ADGRB3: variants seen among roughly 807,000 people sequenced by gnomAD.
ADGRB3 encodes the protein adhesion G protein-coupled receptor B3.
Under a neutral mutation model 193.4 loss-of-function variants are expected in ADGRB3, and 37 were observed. The observed-to-expected ratio is 0.19, with a 90% CI of 0.15 to 0.25. The LOEUF is 0.25. ADGRB3 is among the 10% of genes least tolerant of loss of function. ADGRB3 has a pLI of 1.00. For synonymous variants in ADGRB3, 690 were observed against 644.2 expected, an observed-to-expected ratio of 1.07 and a Z score of -1.08; for missense variants, 1,637 against 1,852.9, an observed-to-expected ratio of 0.88 and a Z score of 2.14.
Position 69,029,935 on chromosome 6 carries a change from G to A in ADGRB3, c.2107+11436G>A, listed in dbSNP as rs144835777. Among the ~76,000 whole-genome samples, 391 of 147,814 alleles carry A rather than the reference G, an allele frequency of 2.6e-3. 1 individual carries two copies. The highest frequency in any genetic ancestry group is 9.7e-3 in the African/African-American group (385 of 39,662). ...ACACTTCTCAAGAGAAAAAATTTAT[G>A]AAGCCAACAAACATATATATATATA... On this transcript the variant is annotated intron_variant, in intron 13 of 31. Coordinates refer to ENST00000370598, the MANE Select transcript of ADGRB3 (RefSeq NM_001704.3).
At chr6:69,113,859 T>C (rs943134275) in intron 17 of ADGRB3, among the ~76,000 whole-genome samples, 1 of 152,214 alleles carries the variant, frequency 6.6e-6, no homozygotes, top group Admixed American at 6.5e-5. Flanking sequence ...TAGATAGATA[T>C]TAATGATGTC....
intron 26 of ADGRB3, among the ~76,000 whole-genome samples, chr6:69,349,985 C>T (rs1033768084): frequency 2.6e-5 from 4 of 152,184 alleles, no homozygotes; most frequent in Admixed American, 2.0e-4. Context: ...CCAGCTTCCA[C>T]AATGACGCGC....
intron 3 of ADGRB3, among the ~76,000 whole-genome samples, chr6:68,795,393 C>G (rs1767187023): frequency 1.3e-5 from 2 of 151,986 alleles, no homozygotes; most frequent in Non-Finnish European, 2.9e-5. Context: ...GCACAGAAAT[C>G]TCAGACAAAA....
chr6:69,240,108 T>C (rs1430652816), intron 20 of ADGRB3, among the ~76,000 whole-genome samples: 2 of 152,108 alleles, frequency 1.3e-5, no homozygotes, highest in African/African-American at 2.4e-5. Flanking sequence ...ATGTATTATA[T>C]ATTCATAGGA....
intron 31 of ADGRB3, among the ~76,000 whole-genome samples, chr6:69,386,667 G>C (rs1297025995): frequency 1.3e-5 from 2 of 152,026 alleles, no homozygotes; most frequent in Non-Finnish European, 2.9e-5. Context: ...GATAGGTCCT[G>C]TTCTCATGGC....
chr6:69,047,773 C>A (rs906931871), intron 13 of ADGRB3, among the ~76,000 whole-genome samples: 1 of 152,078 alleles, frequency 6.6e-6, no homozygotes, highest in African/African-American at 2.4e-5. Context: ...CAGAAAATTT[C>A]TTCTTAAGAC....
At chr6:68,986,933 A>G (rs2150271619) in intron 10 of ADGRB3, among the ~76,000 whole-genome samples, 1 of 152,248 alleles carries the variant, frequency 6.6e-6, no homozygotes, top group South Asian at 2.1e-4. Flanking sequence ...TATTTCAGAA[A>G]CACACCTACT....
intron 17 of ADGRB3, among the ~76,000 whole-genome samples, chr6:69,118,045 A>G (rs553282562): frequency 2.0e-5 from 3 of 152,330 alleles, no homozygotes; most frequent in South Asian, 2.1e-4. Flanking sequence ...ACTCAAGTCT[A>G]TGTTATATAA....
intron 17 of ADGRB3, among the ~76,000 whole-genome samples, chr6:69,171,412 C>T (rs529928290): frequency 6.6e-6 from 1 of 152,326 alleles, no homozygotes; most frequent in Non-Finnish European, 1.5e-5. Flanking sequence ...GCCTGGCCAA[C>T]TTCCATACCC....
intron 3 of ADGRB3, among the ~76,000 whole-genome samples, chr6:68,685,850 G>A (rs1476724299): frequency 1.3e-5 from 2 of 152,192 alleles, no homozygotes; most frequent in South Asian, 2.1e-4. Flanking sequence ...CCAAGATGGC[G>A]CCACTGCACT....
At chr6:68,745,683 T>G (rs1766069721) in intron 3 of ADGRB3, among the ~76,000 whole-genome samples, 1 of 151,238 alleles carries the variant, frequency 6.6e-6, no homozygotes. Context: ...AAATGTATTT[T>G]CTTATTTATA....
At chr6:69,219,567 GA>G (rs947244778) in intron 17 of ADGRB3, among the ~76,000 whole-genome samples, 1 of 148,952 alleles carries the variant, frequency 6.7e-6, no homozygotes, top group African/African-American at 2.4e-5. Flanking sequence ...GTAGGTAAGA[GA>G]AAAACAGAGC....
At chr6:68,887,328 G>T (rs954249242) in intron 3 of ADGRB3, among the ~76,000 whole-genome samples, 8 of 152,052 alleles carry the variant, frequency 5.3e-5, no homozygotes, top group Admixed American at 5.2e-4. Flanking sequence ...GCTAGTACAT[G>T]ATATCTTTTG....
At chr6:69,304,898 G>A (rs1025043777) in intron 20 of ADGRB3, among the ~76,000 whole-genome samples, 4 of 151,456 alleles carry the variant, frequency 2.6e-5, no homozygotes, top group African/African-American at 9.7e-5. Flanking sequence ...CAAATCTGTG[G>A]TGCACCATTA....
At chr6:68,888,851 A>G (rs1204639738) in intron 3 of ADGRB3, among the ~76,000 whole-genome samples, 1 of 152,192 alleles carries the variant, frequency 6.6e-6, no homozygotes, top group Non-Finnish European at 1.5e-5. Context: ...TGAGACAGGA[A>G]TGTGCTTGGT....
chr6:69,178,379 G>GT lies in ADGRB3; in HGVS notation c.2481-54904dup, dbSNP rs200095839. Among the ~76,000 whole-genome samples, 1,482 of 152,062 alleles carry GT rather than the reference G, an allele frequency of 9.7e-3. 27 individuals carry two copies. The highest frequency in any genetic ancestry group is 0.034 in the African/African-American group (1,414 of 41,472). On this transcript the variant is annotated intron_variant, in intron 17 of 31. Coordinates refer to ENST00000370598, the MANE Select transcript of ADGRB3 (RefSeq NM_001704.3). The stretch of plus-strand genomic sequence containing the variant: ...GAAGACAGTAGACAAATGGTTCTTG[G>GT]TTTTTTTGTTTGTTTGTTTTATTTT...
chr6:68,808,975 C>A (rs1767460435), intron 3 of ADGRB3, among the ~76,000 whole-genome samples: 1 of 152,052 alleles, frequency 6.6e-6, no homozygotes, highest in Non-Finnish European at 1.5e-5. Flanking sequence ...TCAGTAGCAA[C>A]AAAGATGAAT....
intron 20 of ADGRB3, among the ~76,000 whole-genome samples, chr6:69,249,232 T>C (rs979005639): frequency 5.9e-5 from 9 of 152,100 alleles, no homozygotes; most frequent in African/African-American, 1.9e-4. Context: ...TGCCTTGGCG[T>C]CCCAAAGTGC....
At chr6:69,020,529 T>G (rs2785571) in intron 13 of ADGRB3, among the ~76,000 whole-genome samples, 120,753 of 151,890 alleles carry the variant, frequency 0.8, 48,827 homozygotes, top group East Asian at 0.93. Context: ...CCTTAAATGT[T>G]ATTAAACTGT....
Sources: gnomAD v4.1 joint callset for allele counts (sites outside exome capture counted in the v4.1 genomes callset) on GRCh38, gnomAD v4.1.1 for gene constraint, MANE v1.5 for transcripts, NCBI Gene and HGNC (gene_info 2026-07-23, HGNC 2026-07-21) for gene names.